ATOSA: variants seen among roughly 807,000 people sequenced by gnomAD.
ATOSA encodes atos homolog protein A.
the ATOSA span, chr15:52,613,640 A>G: frequency 1.3e-6 from 2 of 1,595,534 alleles, no homozygotes; most frequent in Non-Finnish European, 1.7e-6. Flanking sequence ...AGTTTATATA[A>G]AAGATACAAA....
the ATOSA span, chr15:52,629,534 T>C: frequency 4.4e-6 from 1 of 229,774 alleles, no homozygotes. Flanking sequence ...CCAGGCATCG[T>C]GGCTCATGCC....
At chr15:52,612,141 C>T in the ATOSA span, among the ~76,000 whole-genome samples, 1 of 152,010 alleles carries the variant, frequency 6.6e-6, no homozygotes, top group African/African-American at 2.4e-5. Flanking sequence ...CCCGCCAGCA[C>T]GCCAGACTAA....
the ATOSA span, among the ~76,000 whole-genome samples, chr15:52,669,460 G>C: frequency 2.0e-5 from 3 of 152,084 alleles, no homozygotes; most frequent in African/African-American, 7.2e-5. Flanking sequence ...AAGTAGAAAT[G>C]GCCAATGATC....
the ATOSA span, among the ~76,000 whole-genome samples, chr15:52,671,035 T>A: frequency 6.6e-6 from 1 of 152,062 alleles, no homozygotes; most frequent in Non-Finnish European, 1.5e-5. Flanking sequence ...ACATTCTCCC[T>A]CTCTCTCAGA....
At chr15:52,630,309 G>A in the ATOSA span, among the ~76,000 whole-genome samples, 7 of 152,246 alleles carry the variant, frequency 4.6e-5, no homozygotes, top group African/African-American at 1.7e-4. Context: ...GACTAAGGAA[G>A]ATGAAGTGCT....
the ATOSA span, among the ~76,000 whole-genome samples, chr15:52,704,883 G>A: frequency 6.6e-6 from 1 of 152,164 alleles, no homozygotes; most frequent in African/African-American, 2.4e-5. Context: ...TGGAGAAATA[G>A]GAACACTTTT....
At chr15:52,654,675 A>C in the ATOSA span, among the ~76,000 whole-genome samples, 1 of 152,128 alleles carries the variant, frequency 6.6e-6, no homozygotes, top group Admixed American at 6.6e-5. Context: ...AGGATAGTAG[A>C]TCTTTTACAA....
At chr15:52,658,864 T>C in the ATOSA span, 151 of 387,698 alleles carry the variant, frequency 3.9e-4, no homozygotes, top group Non-Finnish European at 6.6e-4. Flanking sequence ...TGCACACCTG[T>C]AGTACCAGCT....
At chr15:52,696,688 A>C in the ATOSA span, among the ~76,000 whole-genome samples, 1 of 152,196 alleles carries the variant, frequency 6.6e-6, no homozygotes, top group Non-Finnish European at 1.5e-5. Context: ...ACATGTCTCA[A>C]GGTATCATTT....
the ATOSA span, chr15:52,593,422 G>T: frequency 1.6e-6 from 1 of 643,876 alleles, no homozygotes; most frequent in Non-Finnish European, 2.6e-6. Flanking sequence ...GTTTGAACTA[G>T]CTTAGAAAGA....
chr15:52,601,178 C>A, the ATOSA span: 2 of 1,495,986 alleles, frequency 1.3e-6, no homozygotes, highest in Non-Finnish European at 1.8e-6. Flanking sequence ...AAGGTCAAAA[C>A]GATCATTTGT....
At chr15:52,708,540 T>C in the ATOSA span, among the ~76,000 whole-genome samples, 2 of 152,172 alleles carry the variant, frequency 1.3e-5, no homozygotes, top group African/African-American at 2.4e-5. Context: ...CACTCTCTAT[T>C]GCCTTGTTTT....
the ATOSA span, among the ~76,000 whole-genome samples, chr15:52,698,897 G>A: frequency 6.6e-6 from 1 of 152,106 alleles, no homozygotes; most frequent in Non-Finnish European, 1.5e-5. Flanking sequence ...AAATAAACTT[G>A]GCCAAATCTG....
chr15:52,616,657 C>T, the ATOSA span, among the ~76,000 whole-genome samples: 1 of 152,170 alleles, frequency 6.6e-6, no homozygotes, highest in Non-Finnish European at 1.5e-5. Context: ...CATCCTGGGT[C>T]AGTCTATTTC....
At chr15:52,668,999 C>T in the ATOSA span, among the ~76,000 whole-genome samples, 20 of 151,560 alleles carry the variant, frequency 1.3e-4, no homozygotes, top group Admixed American at 9.2e-4. Flanking sequence ...TCCGCCTCCC[C>T]GGTTCACGCC....
At chr15:52,662,792 T>C in the ATOSA span, among the ~76,000 whole-genome samples, 6 of 146,230 alleles carry the variant, frequency 4.1e-5, no homozygotes, top group Admixed American at 6.8e-5. Flanking sequence ...AAAAAAGACA[T>C]AGTATTATTA....
the ATOSA span, among the ~76,000 whole-genome samples, chr15:52,672,332 C>T: frequency 4.6e-5 from 7 of 151,830 alleles, no homozygotes; most frequent in East Asian, 5.8e-4. Flanking sequence ...CTGAGTGACA[C>T]AGTAAGACCC....
At chr15:52,707,500 A>T in the ATOSA span, among the ~76,000 whole-genome samples, 7 of 152,346 alleles carry the variant, frequency 4.6e-5, no homozygotes, top group African/African-American at 1.7e-4. Flanking sequence ...CATTGCCATA[A>T]AAGACAAAGA....
the ATOSA span, among the ~76,000 whole-genome samples, chr15:52,635,614 T>C: frequency 1.1e-4 from 16 of 152,234 alleles, no homozygotes; most frequent in African/African-American, 3.9e-4. Flanking sequence ...GAGGATAGCT[T>C]GAGCCTGAGA....
Sources: allele counts gnomAD v4.1 joint callset (sites outside exome capture counted in the v4.1 genomes callset), GRCh38; gene constraint gnomAD v4.1.1; transcripts MANE v1.5; gene names NCBI Gene and HGNC (gene_info 2026-07-23, HGNC 2026-07-21).